Variants in CREB5 observed in about 807,000 individuals in gnomAD.
CREB5 encodes cyclic AMP-responsive element-binding protein 5.
A neutral mutation model predicts 57.1 loss-of-function variants in CREB5; 19 were observed. That is an observed-to-expected ratio of 0.33 (90% CI 0.23 to 0.49). CREB5 has a LOEUF of 0.49. CREB5 is among the 20% of genes least tolerant of loss of function. The pLI is 0.99. For missense variants in CREB5, 579 were observed against 671.6 expected, an observed-to-expected ratio of 0.86 and a Z score of 1.52; for synonymous variants, 238 against 238.3, an observed-to-expected ratio of 1.00 and a Z score of 0.01.
chr7:28,460,334 A>T (rs1234610851), intron 1 of CREB5, among the ~76,000 whole-genome samples: 2 of 152,236 alleles, frequency 1.3e-5, no homozygotes, highest in African/African-American at 4.8e-5. Context: ...TGCTTTACAC[A>T]TGTCATTTTA....
chr7:28,348,402 TCTCTCTCACA>T (rs1562668407), intron 1 of CREB5, among the ~76,000 whole-genome samples: 221 of 32,090 alleles, frequency 6.9e-3, no homozygotes, highest in Non-Finnish European at 9.5e-3. Context: ...TCTCTGTCTC[TCTCTCTCACA>T]CACACACACA....
At chr7:28,399,418 TA>T (rs34901571) in intron 1 of CREB5, among the ~76,000 whole-genome samples, 77,404 of 127,968 alleles carry the variant, frequency 0.6, 22,027 homozygotes, top group African/African-American at 0.68. Flanking sequence ...ATCATTCTGG[TA>T]AAAAAAAAAA....
intron 4 of CREB5, among the ~76,000 whole-genome samples, chr7:28,552,649 G>T (rs114608973): frequency 3.7e-4 from 57 of 152,274 alleles, no homozygotes; most frequent in African/African-American, 1.4e-3. Context: ...GTTGTCTTAT[G>T]ACTTTACTCA....
chr7:28,454,499 T>C (rs177570), intron 1 of CREB5, among the ~76,000 whole-genome samples: 75,331 of 151,940 alleles, frequency 0.5, 19,438 homozygotes, highest in East Asian at 0.66. Flanking sequence ...TTCTCTTTTC[T>C]AGTTTTCCTC....
At chr7:28,710,289 C>T (rs888295787) in intron 5 of CREB5, among the ~76,000 whole-genome samples, 1 of 152,104 alleles carries the variant, frequency 6.6e-6, no homozygotes, top group African/African-American at 2.4e-5. Flanking sequence ...ATCTATTGAA[C>T]GTGATTCCTG....
intron 1 of CREB5, among the ~76,000 whole-genome samples, chr7:28,420,099 A>AT (rs3041011): frequency 9.3e-5 from 14 of 150,230 alleles, no homozygotes; most frequent in South Asian, 2.1e-4. Context: ...GCAAAGTACA[A>AT]TTTTTTTTTT....
intron 1 of CREB5, among the ~76,000 whole-genome samples, chr7:28,452,148 G>A (rs1263842721): frequency 6.6e-6 from 1 of 152,112 alleles, no homozygotes; most frequent in East Asian, 1.9e-4. Context: ...TCAGCACTTT[G>A]TAGTTAGTCA....
At chr7:28,762,163 A>G (rs556767911) in intron 7 of CREB5, among the ~76,000 whole-genome samples, 7 of 152,328 alleles carry the variant, frequency 4.6e-5, no homozygotes, top group African/African-American at 1.7e-4. Context: ...TTTTAAACTT[A>G]AGGTTACCAC....
At chr7:28,608,147 A>ACTCCC (rs1797232964) in intron 5 of CREB5, among the ~76,000 whole-genome samples, 1 of 145,436 alleles carries the variant, frequency 6.9e-6, no homozygotes, top group Admixed American at 6.8e-5. Flanking sequence ...ACACACACAC[A>ACTCCC]CACACACACT....
intron 1 of CREB5, among the ~76,000 whole-genome samples, chr7:28,473,862 A>G (rs1790942518): frequency 6.6e-6 from 1 of 152,214 alleles, no homozygotes; most frequent in Non-Finnish European, 1.5e-5. Context: ...GGCCCGTGGC[A>G]GGGAGCCTCC....
intron 5 of CREB5, among the ~76,000 whole-genome samples, chr7:28,606,002 T>C (rs1290106071): frequency 1.3e-5 from 2 of 152,204 alleles, no homozygotes; most frequent in South Asian, 4.1e-4. Context: ...TTGACGTGGA[T>C]AAATTTCACT....
chr7:28,738,268 T>C (rs759118211), intron 7 of CREB5, among the ~76,000 whole-genome samples: 3 of 152,218 alleles, frequency 2.0e-5, no homozygotes, highest in Non-Finnish European at 4.4e-5. Context: ...GGCATTATTT[T>C]TTCCTAAACA....
intron 1 of CREB5, among the ~76,000 whole-genome samples, chr7:28,430,556 G>A (rs2128016908): frequency 6.6e-6 from 1 of 152,234 alleles, no homozygotes; most frequent in East Asian, 1.9e-4. Flanking sequence ...GCAAAATATA[G>A]CTATTTGGGA....
At chr7:28,538,134 A>G (rs957383986) in intron 4 of CREB5, among the ~76,000 whole-genome samples, 1 of 152,032 alleles carries the variant, frequency 6.6e-6, no homozygotes, top group Non-Finnish European at 1.5e-5. Context: ...GCTCACTGCA[A>G]TCTCTGTCTC....
At chr7:28,749,122 T>G (rs1487783796) in intron 7 of CREB5, among the ~76,000 whole-genome samples, 1 of 152,244 alleles carries the variant, frequency 6.6e-6, no homozygotes, top group Non-Finnish European at 1.5e-5. Context: ...CCTTATTCTC[T>G]GAGTGTTTCA....
intron 4 of CREB5, among the ~76,000 whole-genome samples, chr7:28,516,323 C>G (rs1056674458): frequency 6.6e-6 from 1 of 152,032 alleles, no homozygotes; most frequent in African/African-American, 2.4e-5. Context: ...TTAGAGAGAT[C>G]GGTGTGGGAC....
intron 4 of CREB5, among the ~76,000 whole-genome samples, chr7:28,564,329 A>G (rs1368807958): frequency 3.9e-5 from 6 of 152,240 alleles, no homozygotes; most frequent in South Asian, 2.1e-4. Context: ...TACAGGAATC[A>G]ACATCATTTT....
chr7:28,814,610 T>C (rs1206464574), intron 9 of CREB5, among the ~76,000 whole-genome samples: 5 of 152,134 alleles, frequency 3.3e-5, no homozygotes, highest in African/African-American at 1.2e-4. Context: ...CATTGGATAA[T>C]TGGGTAATTT....
chr7:28,672,661 A>G lies in CREB5; in HGVS notation c.465-46092A>G, dbSNP rs558522891. ...CTCCCCAGCCCAAAGCCAACAACGA[A>G]TTCAGGGAAATTACTGGATGAGACC... On this transcript the variant is annotated intron_variant, in intron 5 of 10. Coordinates refer to ENST00000357727, the MANE Select transcript of CREB5 (RefSeq NM_182898.4). 2.0e-4 allele frequency among the ~76,000 whole-genome samples: 31 copies of G among 152,220 alleles called. 1 individual carries two copies. In the East Asian group the frequency reaches 5.4e-3, roughly 27 times the overall value.
Sources: allele counts gnomAD v4.1 joint callset (sites outside exome capture counted in the v4.1 genomes callset), GRCh38; gene constraint gnomAD v4.1.1; transcripts MANE v1.5; gene names NCBI Gene and HGNC (gene_info 2026-07-23, HGNC 2026-07-21).